The following TMEM255B variants were observed in gnomAD, a reference collection of about 807,000 sequenced individuals.
TMEM255B encodes family with sequence similarity 70, member B.
In TMEM255B, 35 loss-of-function variants were observed where a neutral mutation model predicts 34.5. The ratio of observed to expected loss-of-function variants is 1.01; its 90% CI spans 0.77 to 1.34. The LOEUF (loss-of-function observed/expected upper bound fraction) is 1.34. Among genes scored for constraint, TMEM255B ranks in the 40% most tolerant of loss-of-function variants. The pLI, the probability that TMEM255B is intolerant of heterozygous loss-of-function variation, is 0.00. For missense variants in TMEM255B, 432 were observed against 433.2 expected (o/e 1.00, Z 0.02); for synonymous variants, 206 against 201.2 (o/e 1.02, Z -0.20).
chr13:113,766,289 G>A, intron 2 of TMEM255B, 32 bp downstream of exon 2: 1 of 1,612,916 alleles, frequency 6.2e-7, no homozygotes, highest in Non-Finnish European at 8.5e-7. Context: ...CCTGGGCCGG[G>A]GAGGGCAGGG....
intron 3 of TMEM255B, among the ~76,000 whole-genome samples, chr13:113,773,672 T>A (rs2050513057): frequency 6.6e-6 from 1 of 152,256 alleles, no homozygotes; most frequent in Non-Finnish European, 1.5e-5. Flanking sequence ...AACCCATATT[T>A]CACAATCTCA....
At chr13:113,800,711 CTGCTTGGCTGGGCCTCAG>C in intron 5 of TMEM255B, 98 bp from the exon 6 acceptor site, 1 of 936,388 alleles carries the variant, frequency 1.1e-6, no homozygotes, top group Non-Finnish European at 1.6e-6. Context: ...GGGGAGGCAG[CTGCTTGGCTGGGCCTCAG>C]TGGCCGCTCC....
intron 3 of TMEM255B, among the ~76,000 whole-genome samples, chr13:113,793,186 T>C (rs2050860169): frequency 6.6e-6 from 1 of 152,178 alleles, no homozygotes; most frequent in African/African-American, 2.4e-5. Flanking sequence ...GTGCTGCCCT[T>C]GGGTCTGGTG....
intron 3 of TMEM255B, among the ~76,000 whole-genome samples, chr13:113,783,439 T>G (rs372502966): frequency 1.3e-5 from 2 of 151,650 alleles, no homozygotes; most frequent in African/African-American, 4.9e-5. Context: ...TCATCAGGAG[T>G]GAGGGTGGAG....
At position 113,770,308 on chromosome 13, in the gene TMEM255B, A is replaced by G. The variant is rs998165019; in HGVS notation, c.252+1148A>G. Among the ~76,000 whole-genome samples, 2 of 152,138 alleles carry G rather than the reference A, an allele frequency of 1.3e-5. No homozygotes were observed. The highest frequency in any genetic ancestry group is 4.8e-5 in the African/African-American group (2 of 41,442). ...ACTTACTCACTATCATGAGAACAGC[A>G]CAGGAAAGATCTGCCCCCCATGATT... On this transcript the variant is annotated intron_variant, in intron 3 of 8. Coordinates refer to ENST00000375353, the MANE Select transcript of TMEM255B (RefSeq NM_182614.4). This position sits in a 1 kb window ranked among gnomAD's most constrained non-coding sequence, Gnocchi z 4.6.
intron 4 of TMEM255B, 61 bp downstream of exon 4, chr13:113,795,298 A>T: frequency 6.5e-7 from 1 of 1,542,032 alleles, no homozygotes; most frequent in Non-Finnish European, 8.9e-7. Flanking sequence ...CGACGTGAAA[A>T]AAGTACAATT....
At chr13:113,766,288 G>A in intron 2 of TMEM255B, 31 bp downstream of exon 2, 1 of 1,612,896 alleles carries the variant, frequency 6.2e-7, no homozygotes, top group Non-Finnish European at 8.5e-7. Flanking sequence ...GCCTGGGCCG[G>A]GGAGGGCAGG....
At chr13:113,764,158 G>T (rs1209636136) in intron 1 of TMEM255B, among the ~76,000 whole-genome samples, 1 of 152,230 alleles carries the variant, frequency 6.6e-6, no homozygotes, top group South Asian at 2.1e-4. Context: ...ACGGGGACAC[G>T]GGTTGGGGCT....
rs2051317338 is a variant in TMEM255B, at chr13:113,811,865, T to A, written c.943T>A (p.Phe315Ile). ...QAPPCYAPTYFPPGEKPPPYA... is the reference protein window; with the variant it reads ...QAPPCYAPTYIPPGEKPPPYA... ...TCCACCGTGCTACGCACCCACCTAC[T>A]TTCCCCCGGGGGAGAAGCCACCCCC... is the stretch of plus-strand genomic sequence containing the variant. The change falls in exon 9 of 9, where the codon TTT (phenylalanine) becomes ATT (isoleucine). Residue 315 changes from phenylalanine (F) to isoleucine (I), a missense_variant. By Grantham distance (21) the Phe-to-Ile change is conservative. Transcript: ENST00000375353. The A allele has an allele frequency of 6.2e-7, 1 of 1,613,184 alleles. No individual in the cohort carries two copies. The highest frequency in any genetic ancestry group is 2.2e-5 in the East Asian group (1 of 44,832).
rs772561857 is a variant in TMEM255B, at chr13:113,813,858, C to T, written c.*1955C>T. The T allele has an allele frequency of 2.6e-5, 4 of 152,162 alleles. No individual in the cohort carries two copies. Among genetic ancestry groups the T allele is most frequent in the Admixed American group, 6.5e-5 (1 of 15,288 alleles). 9.4% of individuals were successfully genotyped at this position (152,162 alleles called of 1,614,324 possible). On this transcript the variant is annotated 3_prime_UTR_variant, in exon 9 of 9. Transcript: ENST00000375353. Reference sequence around the variant, plus strand: ...AGGGCTGACTGGCCTTGAACCAGTCCGGGAGGTCGGGCACGAGCCGGAGGT... The same window carrying T: ...AGGGCTGACTGGCCTTGAACCAGTCTGGGAGGTCGGGCACGAGCCGGAGGT...
chr13:113,800,134 G>A (rs1373488256), intron 5 of TMEM255B: 2 of 1,105,080 alleles, frequency 1.8e-6, no homozygotes, highest in East Asian at 6.4e-5. Flanking sequence ...GTGTGTTTAG[G>A]GGGGAGGTGT....
At chr13:113,790,728 G>A (rs1439266109) in intron 3 of TMEM255B, among the ~76,000 whole-genome samples, 4 of 143,812 alleles carry the variant, frequency 2.8e-5, no homozygotes, top group East Asian at 4.2e-4. Flanking sequence ...CCGGACACGT[G>A]GACATCCTAG....
chr13:113,793,278 G>T (rs1163826311), intron 3 of TMEM255B, among the ~76,000 whole-genome samples: 2 of 152,232 alleles, frequency 1.3e-5, no homozygotes, highest in Admixed American at 1.3e-4. Flanking sequence ...TAACTGCCCG[G>T]ACTTTGTTCA....
intron 1 of TMEM255B, chr13:113,761,344 C>T: frequency 1.0e-6 from 1 of 985,336 alleles, no homozygotes; most frequent in South Asian, 4.7e-5. Context: ...CGCGTGTCTT[C>T]CAGGTAGGAC....
chr13:113,771,412 T>G (rs1029797975), intron 3 of TMEM255B, among the ~76,000 whole-genome samples: 1 of 152,226 alleles, frequency 6.6e-6, no homozygotes, highest in African/African-American at 2.4e-5. Context: ...CCGGACACGG[T>G]GGCTCATGCC....
chr13:113,788,496 G>C (rs1212313188), intron 3 of TMEM255B, among the ~76,000 whole-genome samples: 1 of 151,994 alleles, frequency 6.6e-6, no homozygotes, highest in East Asian at 1.9e-4. Context: ...CACTGGCGCA[G>C]CAGAGGCTCC....
intron 8 of TMEM255B, 59 bp from the exon 9 acceptor site, chr13:113,811,677 T>C (rs922982794): frequency 6.3e-7 from 1 of 1,598,338 alleles, no homozygotes; most frequent in African/African-American, 1.3e-5. Flanking sequence ...CAGGCTTCCC[T>C]GTGGTCCGGC....
intron 3 of TMEM255B, among the ~76,000 whole-genome samples, chr13:113,788,938 G>C (rs1027363504): frequency 6.6e-6 from 1 of 151,804 alleles, no homozygotes; most frequent in Non-Finnish European, 1.5e-5. Flanking sequence ...GCCACCGACC[G>C]ACTGCCCTGG....
In TMEM255B at chr13:113,799,371, G is replaced by C. The variant is rs377144010; in HGVS notation, c.375G>C (p.Gln125His). Reference protein sequence around the residue: ...EPRPLTTGRCQFYSSGVGYLY... With the variant: ...EPRPLTTGRCHFYSSGVGYLY... Reference sequence around the variant, plus strand: ...GGCCCCTCACCACGGGAAGATGCCAGTTTTACTCCAGTGGGGTGGGGTACT... The same window carrying C: ...GGCCCCTCACCACGGGAAGATGCCACTTTTACTCCAGTGGGGTGGGGTACT... Residue 125 changes from glutamine to histidine, a missense_variant, in exon 5 of 9, where the codon CAG becomes CAC. Gln to His is a conservative substitution (Grantham distance 24). Transcript: ENST00000375353. 1.9e-6 allele frequency: 3 copies of C among 1,614,048 alleles called. No homozygotes were observed. The African/African-American group carries it at 4.0e-5, about 22-fold the overall frequency.
Sources: gnomAD v4.1 joint callset for allele counts (sites outside exome capture counted in the v4.1 genomes callset) on GRCh38, gnomAD v4.1.1 for gene constraint, Gnocchi (gnomAD v3.1) non-coding constraint, MANE v1.5 for transcripts, NCBI Gene and HGNC (gene_info 2026-07-23, HGNC 2026-07-21) for gene names.